RNPEP: variants seen among roughly 807,000 people sequenced by gnomAD.
RNPEP encodes aminopeptidase B.
A neutral mutation model predicts 70.1 loss-of-function variants in RNPEP; 57 were observed. The ratio of observed to expected loss-of-function variants is 0.81; its 90% CI spans 0.66 to 1.01. RNPEP has a LOEUF of 1.01. Among genes scored for constraint, RNPEP ranks in the 50% least tolerant of loss-of-function variants. The probability of loss-of-function intolerance (pLI) is 0.00; values close to 1 mark genes in which losing one functional copy is unlikely to be tolerated. For missense variants in RNPEP, 787 were observed against 852.4 expected (o/e 0.92, Z 0.96); for synonymous variants, 335 against 357.4 (o/e 0.94, Z 0.71).
chr1:201,996,465 T>TGTGTGTGTG lies in RNPEP; in HGVS notation c.854+202_854+203insGTGTGTGTG, dbSNP rs1683556285. 11 of 233,040 alleles carry TGTGTGTGTG rather than the reference T, an allele frequency of 4.7e-5. No individual in the cohort carries two copies. In the Admixed American group the frequency reaches 5.0e-4, roughly 11 times the overall value. The allele number at this position is 233,040 out of a possible 1,614,324, so 14.4% of individuals were successfully genotyped here. On this transcript the variant is annotated intron_variant, in intron 4 of 10. Transcript: ENST00000295640. Reference sequence around the variant, plus strand: ...GAGAGGGCCTAGGAGATGAGGTTCTTTGTGTGTGTGTGTGTGTGTGTGTGT... The same window carrying TGTGTGTGTG: ...GAGAGGGCCTAGGAGATGAGGTTCTTGTGTGTGTGTGTGTGTGTGTGTGTGTGTGTGTGT...
chr1:202,000,399 C>G (rs1558266672), intron 6 of RNPEP: 1 of 169,732 alleles, frequency 5.9e-6, no homozygotes, highest in Non-Finnish European at 1.3e-5. Flanking sequence ...AGTGTCTTGT[C>G]CAGGTCATGT....
chr1:202,004,525 A>G (rs1250505611), intron 10 of RNPEP, 29 bp downstream of exon 10: 1 of 1,610,084 alleles, frequency 6.2e-7, no homozygotes, highest in Admixed American at 1.7e-5. Context: ...GCTGTTCCCG[A>G]AAGCACACTG....
chr1:201,986,379 G>A (rs1683132175), intron 1 of RNPEP, among the ~76,000 whole-genome samples: 1 of 152,100 alleles, frequency 6.6e-6, no homozygotes, highest in African/African-American at 2.4e-5. Context: ...ACAGGTGTGA[G>A]CCACTGAGCC....
In RNPEP at chr1:202,005,624, C is replaced by T. The variant is rs771012282; in HGVS notation, c.1861C>T (p.Leu621Phe). The T allele has an allele frequency of 5.0e-6, 8 of 1,614,216 alleles. No individual in the cohort carries two copies. The South Asian group carries it at 8.8e-5, about 18-fold the overall frequency. The change falls in exon 11 of 11, where the codon CTC becomes TTC. Residue 621 changes from leucine to phenylalanine, a missense_variant. Leu to Phe is a conservative substitution (Grantham distance 22). Transcript: ENST00000295640. ...GGGTGGCAGTGAGGTGGCCCAGACC[C>T]TCGCCAAGGAGACTTTTGCATCCAC... Reference protein sequence around the residue: ...MMGGSEVAQTLAKETFASTAS... With the variant: ...MMGGSEVAQTFAKETFASTAS...
intron 9 of RNPEP, among the ~76,000 whole-genome samples, 195 bp from the exon 10 acceptor site, chr1:202,004,159 G>A (rs1233962262): frequency 2.6e-5 from 4 of 152,168 alleles, no homozygotes; most frequent in Non-Finnish European, 5.9e-5. Flanking sequence ...AAGTAGCTGG[G>A]ATTACAGGCG....
Position 201,982,835 on chromosome 1 carries a change from CG to C in RNPEP, c.174del (p.Leu59Ter). The C allele has an allele frequency of 2.2e-6, 3 of 1,342,824 alleles. No homozygotes were observed. Among genetic ancestry groups the C allele is most frequent in the South Asian group, 4.3e-5 (2 of 46,892 alleles). 83.2% of individuals were successfully genotyped at this position (1,342,824 alleles called of 1,614,324 possible). A position where few individuals can be genotyped will look rare whatever the true frequency, so the allele number is the denominator to read the frequency against. On this transcript the variant is annotated frameshift_variant, in exon 1 of 11. Coordinates refer to ENST00000295640, the MANE Select transcript of RNPEP (RefSeq NM_020216.4). LOFTEE classifies it high-confidence loss of function. ...GCCTCCAGGGCCCGGCGCAGGGAGC[CG>C]GGGGCTGAGCGGCACCGCGGTCCTG... ...FGPPGPGAGS[R>X]GLSGTAVLDL...
At chr1:202,005,421 C>A in intron 10 of RNPEP, 137 bp from the exon 11 acceptor site, 2 of 921,192 alleles carry the variant, frequency 2.2e-6, no homozygotes, top group Non-Finnish European at 3.3e-6. Flanking sequence ...TGATGAGAAG[C>A]TCCTCATTCC....
chr1:202,004,181 A>T (rs1261016205), intron 9 of RNPEP, among the ~76,000 whole-genome samples, 173 bp from the exon 10 acceptor site: 1 of 151,992 alleles, frequency 6.6e-6, no homozygotes, highest in African/African-American at 2.4e-5. Context: ...GCGCCACCAC[A>T]CCCGGCCAGT....
Position 202,005,608 on chromosome 1 carries a change from T to G in RNPEP, c.1845T>G (p.Ser615Arg). 1 of 1,614,206 alleles carries G rather than the reference T, an allele frequency of 6.2e-7. No homozygotes were observed. Among genetic ancestry groups the G allele is most frequent in the Non-Finnish European group, 8.5e-7 (1 of 1,180,028 alleles). The change falls in exon 11 of 11, where the codon AGT (serine) becomes AGG (arginine). Residue 615 changes from serine (S) to arginine (R), a missense_variant. Physicochemically the swap from Ser to Arg is moderately radical, Grantham distance 110. Transcript: ENST00000295640. ...LPLYHAMMGG[S>R]EVAQTLAKET... is the part of the protein sequence containing the mutation. Reference sequence around the variant, plus strand: ...TGTACCACGCAATGATGGGTGGCAGTGAGGTGGCCCAGACCCTCGCCAAGG... The same window carrying G: ...TGTACCACGCAATGATGGGTGGCAGGGAGGTGGCCCAGACCCTCGCCAAGG...
chr1:201,985,524 T>C (rs1683102299), intron 1 of RNPEP, among the ~76,000 whole-genome samples: 1 of 152,180 alleles, frequency 6.6e-6, no homozygotes, highest in South Asian at 2.1e-4. Context: ...CCCAAAGTGC[T>C]GGGACTACAA....
chr1:202,005,107 GAT>G, intron 10 of RNPEP, among the ~76,000 whole-genome samples: 1 of 152,326 alleles, frequency 6.6e-6, no homozygotes, highest in African/African-American at 2.4e-5. Flanking sequence ...AGGAACTTGT[GAT>G]GTCGCTGGCT....
At chr1:201,989,259 G>A (rs1203185054) in intron 2 of RNPEP, 124 bp from the exon 3 acceptor site, 35 of 1,292,436 alleles carry the variant, frequency 2.7e-5, no homozygotes, top group Non-Finnish European at 3.8e-5. Context: ...TGAAACCTTT[G>A]TGTTCTCCAA....
chr1:201,995,502 G>A (rs1454572447), intron 3 of RNPEP, among the ~76,000 whole-genome samples: 1 of 121,280 alleles, frequency 8.2e-6, no homozygotes, highest in Non-Finnish European at 2.0e-5. Context: ...GGGCAACATA[G>A]CGAAACCCTA....
intron 3 of RNPEP, among the ~76,000 whole-genome samples, chr1:201,993,299 C>T (rs1683411052): frequency 6.6e-6 from 1 of 151,984 alleles, no homozygotes; most frequent in Non-Finnish European, 1.5e-5. Flanking sequence ...TATAGCAAAG[C>T]AAAAAACAAA....
In RNPEP at chr1:202,005,641, T is replaced by C. The variant is rs774418058; in HGVS notation, c.1878T>C (p.Phe626=). ...EVAQTLAKET[F]ASTASQLHSN... ...CCCAGACCCTCGCCAAGGAGACTTT[T>C]GCATCCACCGCCTCCCAGCTCCACA... The change falls in exon 11 of 11, where the codon TTT becomes TTC. Residue 626 remains phenylalanine (F), a synonymous_variant. Transcript: ENST00000295640. The C allele has an allele frequency of 1.2e-6, 2 of 1,614,174 alleles. No homozygotes were observed. Among genetic ancestry groups the C allele is most frequent in the South Asian group, 2.2e-5 (2 of 91,084 alleles).
chr1:202,005,740 C>G lies in RNPEP; in HGVS notation c.*24C>G. On this transcript the variant is annotated 3_prime_UTR_variant, in exon 11 of 11. Transcript: ENST00000295640. ...AGAGGCTCGTGTGCATGGCCCCTGC[C>G]TCTTCAGGCTCTCCAGGCTTTCAGA... 6.2e-7 allele frequency: 1 copy of G among 1,610,414 alleles called. No individual in the cohort carries two copies. Among genetic ancestry groups the G allele is most frequent in the African/African-American group, 1.3e-5 (1 of 74,964 alleles).
intron 3 of RNPEP, among the ~76,000 whole-genome samples, chr1:201,990,793 G>A (rs1314659823): frequency 1.3e-5 from 2 of 152,182 alleles, no homozygotes; most frequent in Admixed American, 1.3e-4. Context: ...TTCCTAATAG[G>A]CAGGGCGGGA....
chr1:202,004,042 T>C (rs1435914017), intron 9 of RNPEP, among the ~76,000 whole-genome samples: 1 of 152,188 alleles, frequency 6.6e-6, no homozygotes, highest in Non-Finnish European at 1.5e-5. Flanking sequence ...ATATGTCTGC[T>C]TTAATCTTGC....
chr1:201,991,675 C>G (rs186515647), intron 3 of RNPEP, among the ~76,000 whole-genome samples: 1 of 152,164 alleles, frequency 6.6e-6, no homozygotes, highest in African/African-American at 2.4e-5. Flanking sequence ...TCAGGTATTT[C>G]CATTGCAAAT....
Sources: allele counts gnomAD v4.1 joint callset (sites outside exome capture counted in the v4.1 genomes callset), GRCh38; gene constraint gnomAD v4.1.1; transcripts MANE v1.5; gene names NCBI Gene and HGNC (gene_info 2026-07-23, HGNC 2026-07-21).